SPATS2: variants seen among roughly 807,000 people sequenced by gnomAD.
SPATS2 encodes spermatogenesis associated serine rich 2.
A neutral mutation model predicts 63.7 loss-of-function variants in SPATS2; 38 were observed. The observed-to-expected ratio is 0.60, with a 90% CI of 0.46 to 0.78. SPATS2 has a LOEUF of 0.78. SPATS2 is among the 30% of genes least tolerant of loss of function. The probability of loss-of-function intolerance (pLI) is 0.00; values close to 1 mark genes in which losing one functional copy is unlikely to be tolerated. For missense variants in SPATS2, 588 were observed against 666.2 expected (o/e 0.88, Z 1.29); for synonymous variants, 207 against 232.9 (o/e 0.89, Z 1.01).
chr12:49,520,623 T>C (rs1946924801), intron 11 of SPATS2, among the ~76,000 whole-genome samples: 1 of 152,244 alleles, frequency 6.6e-6, no homozygotes. Context: ...CTTCTGTAAA[T>C]AGTTGGTTGA....
intron 2 of SPATS2, among the ~76,000 whole-genome samples, chr12:49,377,030 T>C (rs188400321): frequency 3.1e-4 from 47 of 152,334 alleles, no homozygotes; most frequent in Admixed American, 2.2e-3. Context: ...GTTTCGTTAA[T>C]CTTATCAGCA....
chr12:49,415,412 T>C (rs559572183), intron 2 of SPATS2, among the ~76,000 whole-genome samples: 14 of 152,280 alleles, frequency 9.2e-5, no homozygotes, highest in Middle Eastern at 6.8e-3. Context: ...CAGTTTAATT[T>C]TTGGACCTAG....
chr12:49,436,635 G>T (rs1945301173), intron 2 of SPATS2, among the ~76,000 whole-genome samples: 1 of 137,428 alleles, frequency 7.3e-6, no homozygotes, highest in Non-Finnish European at 1.6e-5. Context: ...TCCCGGACGG[G>T]GCGGCTGGCC....
intron 3 of SPATS2, among the ~76,000 whole-genome samples, chr12:49,480,427 G>A (rs1291038672): frequency 6.6e-6 from 1 of 152,036 alleles, no homozygotes; most frequent in Non-Finnish European, 1.5e-5. Context: ...ATTTAGTATT[G>A]TACAGTTAGA....
intron 2 of SPATS2, among the ~76,000 whole-genome samples, chr12:49,445,909 G>T (rs984790094): frequency 2.6e-5 from 4 of 151,836 alleles, no homozygotes; most frequent in Non-Finnish European, 4.4e-5. Context: ...GTTTGTTTTT[G>T]TTTTTGTTTT....
At position 49,514,575 on chromosome 12, in the gene SPATS2, C is replaced by G. The variant is rs776164528; in HGVS notation, c.860C>G (p.Ala287Gly). Residue 287 changes from alanine to glycine, a missense_variant, in exon 10 of 14, where the codon GCG becomes GGG. Transcript: ENST00000552918. ...CCTAGTTTAATGGATCGAGAAGTGG[C>G]GTTGCTTGCTGAAATGGACAAAGTG... ...LESCLMDREVALLAEMDKVKA... is the reference protein window; with the variant it reads ...LESCLMDREVGLLAEMDKVKA... The G allele has an allele frequency of 6.2e-7, 1 of 1,613,018 alleles. No homozygotes were observed. The highest frequency in any genetic ancestry group is 8.5e-7 in the Non-Finnish European group (1 of 1,179,534).
At chr12:49,476,279 CA>C (rs901219998) in intron 3 of SPATS2, among the ~76,000 whole-genome samples, 2 of 152,116 alleles carry the variant, frequency 1.3e-5, no homozygotes, top group African/African-American at 4.8e-5. Flanking sequence ...GGCAGAATGA[CA>C]TGGAGTTTGG....
At chr12:49,518,921 G>T in intron 10 of SPATS2, 152 bp from the exon 11 acceptor site, 1 of 506,944 alleles carries the variant, frequency 2.0e-6, no homozygotes, top group Non-Finnish European at 3.4e-6. Context: ...CCAATGGAAG[G>T]TAGAGACCAG....
chr12:49,466,316 C>T (rs1235873479), intron 3 of SPATS2, among the ~76,000 whole-genome samples: 1 of 152,030 alleles, frequency 6.6e-6, no homozygotes, highest in African/African-American at 2.4e-5. Context: ...GCGCCCACCA[C>T]CACGCCCGGC....
At chr12:49,439,665 T>C (rs911305298) in intron 2 of SPATS2, among the ~76,000 whole-genome samples, 5 of 152,182 alleles carry the variant, frequency 3.3e-5, no homozygotes, top group African/African-American at 1.2e-4. Flanking sequence ...GTGTATGCTT[T>C]GGGTGATGAA....
At chr12:49,524,582 C>T (rs768493855) in intron 12 of SPATS2, 100 bp from the exon 13 acceptor site, 7 of 1,270,280 alleles carry the variant, frequency 5.5e-6, no homozygotes, top group Non-Finnish European at 7.8e-6. Context: ...ATAGACAGTT[C>T]TTTATCTTAA....
intron 2 of SPATS2, among the ~76,000 whole-genome samples, chr12:49,414,036 A>G (rs1225408870): frequency 6.6e-6 from 1 of 152,144 alleles, no homozygotes; most frequent in African/African-American, 2.4e-5. Flanking sequence ...TTCCTTTTCC[A>G]TAAAATGTAC....
At chr12:49,486,873 C>T (rs1946303998) in intron 4 of SPATS2, among the ~76,000 whole-genome samples, 3 of 151,156 alleles carry the variant, frequency 2.0e-5, no homozygotes, top group South Asian at 2.1e-4. Context: ...TAGACTTTTT[C>T]GTGGATGAAA....
intron 9 of SPATS2, among the ~76,000 whole-genome samples, chr12:49,505,529 A>G (rs1264605504): frequency 1.3e-5 from 2 of 152,192 alleles, no homozygotes; most frequent in Non-Finnish European, 2.9e-5. Context: ...CTAAAAATTC[A>G]AAATCCAAAC....
chr12:49,446,018 C>T (rs1475002546), intron 2 of SPATS2, among the ~76,000 whole-genome samples: 2 of 152,076 alleles, frequency 1.3e-5, no homozygotes, highest in Admixed American at 6.6e-5. Flanking sequence ...GATTTTTTGC[C>T]TCAGCCTCCT....
chr12:49,453,032 G>A (rs1312781495), intron 2 of SPATS2, among the ~76,000 whole-genome samples: 3 of 151,854 alleles, frequency 2.0e-5, no homozygotes, highest in East Asian at 3.9e-4. Flanking sequence ...GATGGCGGGC[G>A]CCTGTAGTCC....
rs774933652 is a variant in SPATS2, at chr12:49,522,860, T to TGGTGAGAG, written c.1111+11_1111+18dup. 3.1e-6 allele frequency: 5 copies of TGGTGAGAG among 1,611,278 alleles called. No homozygotes were observed. The highest frequency in any genetic ancestry group is 3.4e-6 in the Non-Finnish European group (4 of 1,177,866). On this transcript the variant is annotated splice_region_variant and intron_variant, in intron 12 of 13. Coordinates refer to ENST00000552918, the MANE Select transcript of SPATS2 (RefSeq NM_023071.4). ...ATTGATTCATTTGGACAAGGTGAGA[T>TGGTGAGAG]GGTGAGAGGGTCTGGGCACTACAGG...
intron 2 of SPATS2, chr12:49,389,744 C>G: frequency 6.5e-7 from 1 of 1,527,116 alleles, no homozygotes; most frequent in Non-Finnish European, 9.1e-7. Context: ...ACAGACAAAT[C>G]AGAGAATTGC....
intron 2 of SPATS2, among the ~76,000 whole-genome samples, chr12:49,436,437 C>G (rs1407650597): frequency 6.9e-6 from 1 of 144,244 alleles, no homozygotes; most frequent in Admixed American, 6.7e-5. Flanking sequence ...GGCGGCTGGC[C>G]GGGCAGAGGG....
Sources: allele counts gnomAD v4.1 joint callset (sites outside exome capture counted in the v4.1 genomes callset), GRCh38; gene constraint gnomAD v4.1.1; transcripts MANE v1.5; gene names NCBI Gene and HGNC (gene_info 2026-07-23, HGNC 2026-07-21).